CSMD2: variants seen among roughly 807,000 people sequenced by gnomAD.
CSMD2 encodes the protein CUB and Sushi multiple domains 2.
In CSMD2, 130 loss-of-function variants were observed where a neutral mutation model predicts 398.5. That is an observed-to-expected ratio of 0.33 (90% CI 0.28 to 0.38). The LOEUF is 0.38. Ranked by LOEUF, CSMD2 falls within the 10% of genes least tolerant of loss-of-function variation. The probability of loss-of-function intolerance (pLI) is 1.00; values close to 1 mark genes in which losing one functional copy is unlikely to be tolerated. For missense variants in CSMD2, 3,829 were observed against 4,764.9 expected (o/e 0.80, Z 5.78); for synonymous variants, 1,828 against 1,908.5 (o/e 0.96, Z 1.10).
intron 3 of CSMD2, among the ~76,000 whole-genome samples, chr1:33,987,669 C>A (rs893865940): frequency 6.6e-6 from 1 of 152,136 alleles, no homozygotes; most frequent in Non-Finnish European, 1.5e-5. Flanking sequence ...GAGCTTCAGA[C>A]CTTCAAGTGA....
rs763093376 is a variant in CSMD2, at chr1:34,151,781, C to G, written c.187+13130G>C. 1.1e-3 allele frequency among the ~76,000 whole-genome samples: 172 copies of G among 151,892 alleles called. 1 individual carries two copies. Among genetic ancestry groups the G allele is most frequent in the Non-Finnish European group, 5.7e-4 (39 of 67,968 alleles). On this transcript the variant is annotated intron_variant, in intron 1 of 70. Transcript: ENST00000373381. ...TTTTCTTTTATTTCTTCTTTCCTCC[C>G]TCACTCCCTTGCTTCCTTCCTCCCT...
Position 33,790,809 on chromosome 1 carries a change from CTATCTAT to C in CSMD2, c.1550+1607_1550+1613del, listed in dbSNP as rs1569956740. 7.9e-4 allele frequency among the ~76,000 whole-genome samples: 93 copies of C among 117,660 alleles called. No individual in the cohort carries two copies. In the East Asian group the frequency reaches 0.021, roughly 27 times the overall value. 77.2% of individuals were successfully genotyped at this position (117,660 alleles called of 152,430 possible). A position where few individuals can be genotyped will look rare whatever the true frequency, so the allele number is the denominator to read the frequency against. Reference sequence around the variant, plus strand: ...CGTCTATCATCTCTCTAATATCTATCTATCTATCTATCTATCTATCTATCTATCTATC... The same window carrying C: ...CGTCTATCATCTCTCTAATATCTATCCTATCTATCTATCTATCTATCTATC... On this transcript the variant is annotated intron_variant, in intron 11 of 70. Transcript: ENST00000373381.
intron 5 of CSMD2, among the ~76,000 whole-genome samples, chr1:33,883,707 C>T (rs1641391312): frequency 6.6e-6 from 1 of 152,174 alleles, no homozygotes; most frequent in African/African-American, 2.4e-5. Context: ...AGGGAGTCTA[C>T]AGTCAAAGAC....
At chr1:33,910,294 C>T (rs1643377196) in intron 5 of CSMD2, among the ~76,000 whole-genome samples, 1 of 152,204 alleles carries the variant, frequency 6.6e-6, no homozygotes, top group Non-Finnish European at 1.5e-5. Flanking sequence ...TCATATCCTG[C>T]ACTTCCTCTC....
intron 44 of CSMD2, among the ~76,000 whole-genome samples, chr1:33,589,375 A>G (rs538411983): frequency 2.0e-5 from 3 of 152,336 alleles, no homozygotes; most frequent in African/African-American, 7.2e-5. Context: ...TGAGGTTACA[A>G]GAACAACCAA....
chr1:33,829,119 C>T (rs952071835), intron 6 of CSMD2, among the ~76,000 whole-genome samples: 1 of 151,972 alleles, frequency 6.6e-6, no homozygotes, highest in Non-Finnish European at 1.5e-5. Context: ...GAGTCTTTGT[C>T]CTCATCATGT....
chr1:33,688,902 G>A (rs1571228990), intron 25 of CSMD2, among the ~76,000 whole-genome samples: 1 of 152,138 alleles, frequency 6.6e-6, no homozygotes, highest in South Asian at 2.1e-4. Context: ...ACTAAATAAG[G>A]ACTCAAACAC....
At chr1:33,585,265 G>A (rs7531204) in intron 46 of CSMD2, among the ~76,000 whole-genome samples, 2 of 152,050 alleles carry the variant, frequency 1.3e-5, no homozygotes, top group African/African-American at 4.8e-5. Flanking sequence ...GTTCTGGAAC[G>A]GGAACTGCAA....
intron 44 of CSMD2, among the ~76,000 whole-genome samples, chr1:33,591,284 G>A (rs1318934191): frequency 6.6e-6 from 1 of 152,084 alleles, no homozygotes; most frequent in Non-Finnish European, 1.5e-5. Flanking sequence ...CACCATGCTC[G>A]GCCTCATTTG....
chr1:33,678,526 G>C (rs1394350182), intron 25 of CSMD2, among the ~76,000 whole-genome samples: 1 of 152,074 alleles, frequency 6.6e-6, no homozygotes, highest in East Asian at 1.9e-4. Context: ...AGGGGAAAAT[G>C]GCATGTGAAT....
chr1:33,848,662 A>G (rs1297377710), intron 5 of CSMD2, among the ~76,000 whole-genome samples: 1 of 152,248 alleles, frequency 6.6e-6, no homozygotes, highest in Non-Finnish European at 1.5e-5. Context: ...AAATGCTGAC[A>G]CACACCAAAC....
At chr1:33,987,925 A>C (rs1558207364) in intron 3 of CSMD2, among the ~76,000 whole-genome samples, 1 of 152,046 alleles carries the variant, frequency 6.6e-6, no homozygotes, top group Non-Finnish European at 1.5e-5. Context: ...CACCCGACCT[A>C]TTGCAACAGT....
At chr1:34,061,733 A>G (rs1436613782) in intron 2 of CSMD2, among the ~76,000 whole-genome samples, 1 of 152,228 alleles carries the variant, frequency 6.6e-6, no homozygotes, top group Non-Finnish European at 1.5e-5. Flanking sequence ...TATCAATATT[A>G]TTACTCAGAT....
intron 28 of CSMD2, among the ~76,000 whole-genome samples, chr1:33,649,182 T>C (rs2148957722): frequency 6.6e-6 from 1 of 152,168 alleles, no homozygotes; most frequent in African/African-American, 2.4e-5. Flanking sequence ...ATGAAAACAA[T>C]AGAAAAGTAA....
chr1:33,519,465 C>T lies in CSMD2; in HGVS notation c.*53G>A, dbSNP rs547464815. ...GTCTTCCTCCCACACCCCTGCTCAC[C>T]GGCTGCTGGAGGCGGGGCTCTCGGT... On this transcript the variant is annotated splice_region_variant and 3_prime_UTR_variant, in exon 70 of 71. Transcript: ENST00000373381. This position sits in a 1 kb window ranked among gnomAD's most constrained non-coding sequence, Gnocchi z 5.6. 10 of 1,579,752 alleles carry T rather than the reference C, an allele frequency of 6.3e-6. No individual in the cohort carries two copies. Among genetic ancestry groups the T allele is most frequent in the African/African-American group, 1.4e-5 (1 of 73,958 alleles).
chr1:33,851,142 A>C (rs1229887780), intron 5 of CSMD2, among the ~76,000 whole-genome samples: 1 of 152,148 alleles, frequency 6.6e-6, no homozygotes, highest in Non-Finnish European at 1.5e-5. Flanking sequence ...TCATTCACGC[A>C]ATCACCAAGC....
chr1:33,763,768 A>C (rs1208314153), intron 13 of CSMD2, among the ~76,000 whole-genome samples: 2 of 152,130 alleles, frequency 1.3e-5, no homozygotes, highest in African/African-American at 4.8e-5. Flanking sequence ...GTACTTTGGG[A>C]AGTTCTAGTC....
chr1:33,674,730 T>G (rs1056995426), intron 25 of CSMD2, among the ~76,000 whole-genome samples: 2 of 152,134 alleles, frequency 1.3e-5, no homozygotes, highest in African/African-American at 4.8e-5. Context: ...TCAGCAAATG[T>G]AAAAGAACAG....
intron 3 of CSMD2, among the ~76,000 whole-genome samples, chr1:34,030,274 C>G (rs1650243955): frequency 6.6e-6 from 1 of 152,088 alleles, no homozygotes; most frequent in Non-Finnish European, 1.5e-5. Context: ...CAGCTGCAGA[C>G]CAGGGGTAAG....
Sources: allele counts gnomAD v4.1 joint callset (sites outside exome capture counted in the v4.1 genomes callset), GRCh38; gene constraint gnomAD v4.1.1; non-coding constraint Gnocchi (gnomAD v3.1); transcripts MANE v1.5; gene names NCBI Gene and HGNC (gene_info 2026-07-23, HGNC 2026-07-21).